Variants in KLRG2 observed in about 807,000 individuals in gnomAD.
KLRG2 encodes killer cell lectin-like receptor subfamily G member 2.
Under a neutral mutation model 35.4 loss-of-function variants are expected in KLRG2, and 39 were observed. The observed-to-expected ratio is 1.10, with a 90% confidence interval of 0.85 to 1.44. KLRG2 has a LOEUF of 1.44. Ranked by LOEUF, KLRG2 falls within the 40% of genes most tolerant of loss-of-function variation. The pLI is 0.00. For synonymous variants in KLRG2, 283 were observed against 265.8 expected (o/e 1.06, Z -0.63); for missense variants, 632 against 570.9 (o/e 1.11, Z -1.09).
chr7:139,466,743 A>AATAAAAAAC (rs1471506332), intron 3 of KLRG2, among the ~76,000 whole-genome samples: 16 of 147,312 alleles, frequency 1.1e-4, no homozygotes, highest in African/African-American at 4.1e-4. Context: ...CTAAAAATAA[A>AATAAAAAAC]ATAAAAAAAA....
At chr7:139,427,372 A>G in the KLRG2 span, among the ~76,000 whole-genome samples, 19 of 152,174 alleles carry the variant, frequency 1.2e-4, no homozygotes, top group African/African-American at 4.3e-4. Context: ...AATGGCCAGC[A>G]TTGGCTGAAG....
intron 3 of KLRG2, among the ~76,000 whole-genome samples, chr7:139,462,922 G>T (rs777914133): frequency 6.6e-6 from 1 of 152,006 alleles, no homozygotes; most frequent in Non-Finnish European, 1.5e-5. Flanking sequence ...TTCCTCCCCA[G>T]GTTGCTCCTC....
intron 3 of KLRG2, among the ~76,000 whole-genome samples, chr7:139,461,103 A>G (rs1796560405): frequency 6.6e-6 from 1 of 152,128 alleles, no homozygotes; most frequent in Non-Finnish European, 1.5e-5. Flanking sequence ...CACAAAAATT[A>G]TCCAGGCATG....
At chr7:139,478,606 G>C (rs375219539) in intron 3 of KLRG2, among the ~76,000 whole-genome samples, 1 of 151,922 alleles carries the variant, frequency 6.6e-6, no homozygotes, top group South Asian at 2.1e-4. Context: ...GGAGGTGAAG[G>C]TTGCAGTGAG....
At chr7:139,479,117 C>G (rs1353483103) in intron 3 of KLRG2, among the ~76,000 whole-genome samples, 2 of 152,104 alleles carry the variant, frequency 1.3e-5, no homozygotes, top group Non-Finnish European at 2.9e-5. Flanking sequence ...GAGCCTTGCT[C>G]TGTTGCCCAG....
intron 3 of KLRG2, among the ~76,000 whole-genome samples, chr7:139,478,811 A>G (rs1034085136): frequency 6.6e-6 from 1 of 152,168 alleles, no homozygotes; most frequent in African/African-American, 2.4e-5. Flanking sequence ...TGGGGATGGA[A>G]TATTCTACAC....
intron 3 of KLRG2, among the ~76,000 whole-genome samples, chr7:139,466,124 A>G (rs1796649498): frequency 6.6e-6 from 1 of 152,128 alleles, no homozygotes; most frequent in Non-Finnish European, 1.5e-5. Context: ...ACTACTCCTC[A>G]GGGATTATTC....
chr7:139,477,610 A>T (rs1419399680), intron 3 of KLRG2, among the ~76,000 whole-genome samples: 1 of 152,118 alleles, frequency 6.6e-6, no homozygotes, highest in Non-Finnish European at 1.5e-5. Context: ...CAGTGTTTAG[A>T]GGGGTTAGAG....
chr7:139,483,639 C>T lies in KLRG2; in HGVS notation c.4G>A (p.Glu2Lys). 1 of 1,512,802 alleles carries T rather than the reference C, an allele frequency of 6.6e-7. No homozygotes were observed. Among genetic ancestry groups the T allele is most frequent in the Non-Finnish European group, 8.8e-7 (1 of 1,139,354 alleles). The allele number at this position is 1,512,802 out of a possible 1,614,324, so 93.7% of individuals were successfully genotyped here. ...CCGGGCGCAGCCTCCCAAGACTCCT[C>T]CATCCCGCGCGCCCCGCCACCCGGA... M[E>K]ESWEAAPGGQ... is the part of the protein sequence containing the mutation. The change falls in exon 1 of 5, where the codon GAG becomes AAG. Residue 2 changes from glutamate (E) to lysine (K), a missense_variant. Coordinates refer to ENST00000340940, the MANE Select transcript of KLRG2 (RefSeq NM_198508.4).
chr7:139,460,669 A>C (rs1796553183), intron 3 of KLRG2, among the ~76,000 whole-genome samples: 1 of 152,006 alleles, frequency 6.6e-6, no homozygotes, highest in South Asian at 2.1e-4. Context: ...TCTAAAAAAA[A>C]AAAAGACAGC....
At chr7:139,473,130 A>G (rs2116466964) in intron 3 of KLRG2, among the ~76,000 whole-genome samples, 1 of 152,236 alleles carries the variant, frequency 6.6e-6, no homozygotes, top group Non-Finnish European at 1.5e-5. Context: ...AACATACAAA[A>G]ATTAGCTGTG....
chr7:139,446,347 T>TG, the KLRG2 span, among the ~76,000 whole-genome samples: 8 of 146,482 alleles, frequency 5.5e-5, no homozygotes, highest in Non-Finnish European at 9.0e-5. Flanking sequence ...TTTTTTTTTT[T>TG]TTTTTTTTTT....
chr7:139,457,376 T>G (rs903649051), intron 3 of KLRG2, among the ~76,000 whole-genome samples: 10 of 152,162 alleles, frequency 6.6e-5, no homozygotes, highest in Admixed American at 4.6e-4. Flanking sequence ...CTTCCGGGGC[T>G]GAGATGGAGC....
At chr7:139,433,156 C>T in the KLRG2 span, among the ~76,000 whole-genome samples, 1 of 152,116 alleles carries the variant, frequency 6.6e-6, no homozygotes, top group Non-Finnish European at 1.5e-5. Flanking sequence ...GTAGCTTTCT[C>T]GAATAGCAGA....
chr7:139,431,488 C>A, the KLRG2 span, among the ~76,000 whole-genome samples: 50 of 151,826 alleles, frequency 3.3e-4, no homozygotes, highest in African/African-American at 1.1e-3. Context: ...GGCTTCTGGA[C>A]CACCAACCAG....
the KLRG2 span, among the ~76,000 whole-genome samples, chr7:139,437,921 CT>C: frequency 6.6e-6 from 1 of 152,208 alleles, no homozygotes; most frequent in Non-Finnish European, 1.5e-5. Flanking sequence ...ACTGGCTGGA[CT>C]CCCCCACCCC....
chr7:139,444,182 G>T, the KLRG2 span, among the ~76,000 whole-genome samples: 1 of 152,174 alleles, frequency 6.6e-6, no homozygotes, highest in African/African-American at 2.4e-5. Flanking sequence ...CCCATACTGA[G>T]GGTGGGTCTG....
chr7:139,430,151 C>CT, the KLRG2 span, among the ~76,000 whole-genome samples: 2 of 152,206 alleles, frequency 1.3e-5, no homozygotes. Flanking sequence ...GCTTGTAATC[C>CT]CAGCACTTTG....
downstream of KLRG2, among the ~76,000 whole-genome samples, chr7:139,450,228 T>G (rs1242184275): frequency 9.0e-6 from 1 of 111,538 alleles, no homozygotes; most frequent in African/African-American, 6.1e-5. Context: ...TTTTTTTTTG[T>G]TTTGTTTTGT....
Sources: allele counts gnomAD v4.1 joint callset (sites outside exome capture counted in the v4.1 genomes callset), GRCh38; gene constraint gnomAD v4.1.1; transcripts MANE v1.5; gene names NCBI Gene and HGNC (gene_info 2026-07-23, HGNC 2026-07-21).